Variants in SAMD5 observed in about 807,000 individuals in gnomAD.
SAMD5 encodes sterile alpha motif domain-containing protein 5.
Under a neutral mutation model 11.3 loss-of-function variants are expected in SAMD5, and 13 were observed. The observed-to-expected ratio is 1.15, with a 90% CI of 0.75 to 1.83. SAMD5 has a LOEUF of 1.83. SAMD5 is among the 40% of genes most tolerant of loss of function. The probability of loss-of-function intolerance (pLI) is 0.00; values close to 1 mark genes in which losing one functional copy is unlikely to be tolerated. For synonymous variants in SAMD5, 129 were observed against 111.3 expected (o/e 1.16, Z -1.00); for missense variants, 255 against 239.1 (o/e 1.07, Z -0.44).
intron 1 of SAMD5, among the ~76,000 whole-genome samples, chr6:147,564,114 A>G (rs917582865): frequency 6.6e-6 from 1 of 151,966 alleles, no homozygotes; most frequent in African/African-American, 2.4e-5. Flanking sequence ...ATTTTTTTTT[A>G]AGTTTCCACC....
At chr6:147,559,200 C>G (rs544636400) in intron 1 of SAMD5, among the ~76,000 whole-genome samples, 1 of 152,352 alleles carries the variant, frequency 6.6e-6, no homozygotes, top group East Asian at 1.9e-4. Context: ...GCCTGCAGAC[C>G]ACAGCCCTGT....
chr6:147,776,225 G>A, the SAMD5 span, among the ~76,000 whole-genome samples: 1 of 152,122 alleles, frequency 6.6e-6, no homozygotes, highest in Non-Finnish European at 1.5e-5. Flanking sequence ...TTATTTAGTT[G>A]CTTTGGAAAA....
chr6:147,705,223 T>C (rs1791309300), intron 1 of SAMD5, among the ~76,000 whole-genome samples: 2 of 152,196 alleles, frequency 1.3e-5, no homozygotes, highest in Admixed American at 1.3e-4. Flanking sequence ...GGAAAGTTAA[T>C]ATTATATGTA....
At chr6:147,683,985 A>G (rs1290970160) in intron 1 of SAMD5, among the ~76,000 whole-genome samples, 3 of 152,188 alleles carry the variant, frequency 2.0e-5, no homozygotes, top group African/African-American at 7.2e-5. Flanking sequence ...AGAGTCATTC[A>G]GAAATACCAC....
chr6:147,803,872 C>A, the SAMD5 span, among the ~76,000 whole-genome samples: 2 of 152,184 alleles, frequency 1.3e-5, no homozygotes, highest in African/African-American at 4.8e-5. Context: ...ACCCTCCATC[C>A]ACAGCCAGCT....
At chr6:147,692,178 T>G (rs1256207814) in intron 1 of SAMD5, among the ~76,000 whole-genome samples, 1 of 152,230 alleles carries the variant, frequency 6.6e-6, no homozygotes, top group Non-Finnish European at 1.5e-5. Context: ...GTTTCTTCAT[T>G]GTTCATGAAG....
At chr6:147,726,339 C>T (rs1187884801) in intron 1 of SAMD5, among the ~76,000 whole-genome samples, 1 of 152,224 alleles carries the variant, frequency 6.6e-6, no homozygotes, top group Non-Finnish European at 1.5e-5. Context: ...GCTTTCTTTG[C>T]ACCAGACATT....
the SAMD5 span, among the ~76,000 whole-genome samples, chr6:147,795,627 T>C: frequency 6.6e-6 from 1 of 151,094 alleles, no homozygotes; most frequent in African/African-American, 2.5e-5. Context: ...TGTAGATCCC[T>C]GAGGAATCAC....
At chr6:147,837,546 A>G in the SAMD5 span, among the ~76,000 whole-genome samples, 1 of 152,222 alleles carries the variant, frequency 6.6e-6, no homozygotes, top group Non-Finnish European at 1.5e-5. Context: ...ACTGCGTGGT[A>G]TGGAGATATG....
chr6:147,817,326 G>T, the SAMD5 span, among the ~76,000 whole-genome samples: 1 of 152,184 alleles, frequency 6.6e-6, no homozygotes. Flanking sequence ...TTCATTTCAG[G>T]CTCAAGCAAG....
At chr6:147,891,402 A>G in the SAMD5 span, among the ~76,000 whole-genome samples, 25 of 152,214 alleles carry the variant, frequency 1.6e-4, no homozygotes, top group Admixed American at 5.2e-4. Context: ...ACTAGTGGAT[A>G]TCATGTGGCA....
chr6:147,892,482 G>A, the SAMD5 span, among the ~76,000 whole-genome samples: 1 of 151,916 alleles, frequency 6.6e-6, no homozygotes, highest in Non-Finnish European at 1.5e-5. Flanking sequence ...AAACTCCCTG[G>A]GTAATTCTGT....
chr6:147,897,190 A>T, the SAMD5 span, among the ~76,000 whole-genome samples: 1 of 152,210 alleles, frequency 6.6e-6, no homozygotes, highest in East Asian at 1.9e-4. Context: ...AAAGCTGTTT[A>T]AAAAATCTTA....
chr6:147,596,441 A>G (rs965523738), intron 1 of SAMD5, among the ~76,000 whole-genome samples: 7 of 152,196 alleles, frequency 4.6e-5, no homozygotes, highest in Admixed American at 4.6e-4. Context: ...TATGGCCATA[A>G]TTGCTACTCT....
At chr6:147,796,699 G>A in the SAMD5 span, among the ~76,000 whole-genome samples, 1 of 152,162 alleles carries the variant, frequency 6.6e-6, no homozygotes, top group Admixed American at 6.5e-5. Flanking sequence ...CTACCCATGA[G>A]CATGGAATGT....
At chr6:147,752,479 C>T in the SAMD5 span, among the ~76,000 whole-genome samples, 15 of 152,234 alleles carry the variant, frequency 9.9e-5, no homozygotes, top group East Asian at 1.9e-4. Flanking sequence ...ATTATTCCAT[C>T]GTCATTTGCA....
At chr6:147,576,581 C>T (rs913045955) in intron 1 of SAMD5, among the ~76,000 whole-genome samples, 4 of 152,230 alleles carry the variant, frequency 2.6e-5, no homozygotes, top group South Asian at 2.1e-4. Context: ...TACCAGGTGG[C>T]CTTCATTAAA....
At chr6:147,543,930 C>G (rs1215740463) in intron 1 of SAMD5, among the ~76,000 whole-genome samples, 1 of 152,016 alleles carries the variant, frequency 6.6e-6, no homozygotes, top group East Asian at 1.9e-4. Flanking sequence ...AGAGCAAGCT[C>G]CTCTCTTTTA....
At chr6:147,591,822 C>T (rs1789458652) in intron 1 of SAMD5, among the ~76,000 whole-genome samples, 1 of 152,022 alleles carries the variant, frequency 6.6e-6, no homozygotes, top group Non-Finnish European at 1.5e-5. Flanking sequence ...CCCTGACCCC[C>T]AGGGAAGCAC....
Sources: gnomAD v4.1 joint callset for allele counts (sites outside exome capture counted in the v4.1 genomes callset) on GRCh38, gnomAD v4.1.1 for gene constraint, MANE v1.5 for transcripts, NCBI Gene and HGNC (gene_info 2026-07-23, HGNC 2026-07-21) for gene names.